Variants in ERICH1 observed in about 807,000 individuals in gnomAD.
ERICH1 encodes glutamate-rich protein 1.
A neutral mutation model predicts 39.6 loss-of-function variants in ERICH1; 56 were observed. That is an observed-to-expected ratio of 1.41 (90% CI 1.14 to 1.77). ERICH1 has a LOEUF of 1.77. ERICH1 is among the 40% of genes most tolerant of loss of function. The pLI, the probability that ERICH1 is intolerant of heterozygous loss-of-function variation, is 0.00. For missense variants in ERICH1, 826 were observed against 575.4 expected, an observed-to-expected ratio of 1.44 and a Z score of -4.45; for synonymous variants, 313 against 223.6, an observed-to-expected ratio of 1.40 and a Z score of -3.57.
At chr8:686,063 G>A (rs1443845462) in intron 3 of ERICH1, among the ~76,000 whole-genome samples, 1 of 151,980 alleles carries the variant, frequency 6.6e-6, no homozygotes, top group Non-Finnish European at 1.5e-5. Flanking sequence ...GGGAGGCTGA[G>A]GCAGGAGGGC....
intron 2 of ERICH1, among the ~76,000 whole-genome samples, chr8:710,092 G>T: frequency 6.6e-6 from 1 of 152,276 alleles, no homozygotes; most frequent in African/African-American, 2.4e-5. Flanking sequence ...CGTCAGAGCC[G>T]TACATTCTTA....
At chr8:671,494 T>C (rs78339287) in intron 4 of ERICH1, among the ~76,000 whole-genome samples, 221 of 68,604 alleles carry the variant, frequency 3.2e-3, no homozygotes, top group African/African-American at 3.9e-3. Context: ...CCAGCCCCGG[T>C]TCTAATGTCT....
At chr8:687,796 G>A (rs1454626396) in intron 3 of ERICH1, among the ~76,000 whole-genome samples, 1 of 152,132 alleles carries the variant, frequency 6.6e-6, no homozygotes, top group Non-Finnish European at 1.5e-5. Context: ...TGGAATACGG[G>A]GCAGCCACGG....
chr8:620,167 C>T (rs1797189483), intron 3 of ERICH1, among the ~76,000 whole-genome samples: 1 of 152,038 alleles, frequency 6.6e-6, no homozygotes, highest in Admixed American at 6.6e-5. Flanking sequence ...CAAAAATTAG[C>T]CAGGCGTGGT....
chr8:682,929 AAAG>A (rs1358313565), intron 3 of ERICH1, among the ~76,000 whole-genome samples: 1 of 151,900 alleles, frequency 6.6e-6, no homozygotes, highest in African/African-American at 2.4e-5. Context: ...TGCTAAATAA[AAAG>A]TAGTAAACTT....
chr8:731,097 CGGGTCTG>C (rs751359443), intron 1 of ERICH1, 36 bp downstream of exon 1: 1 of 1,428,760 alleles, frequency 7.0e-7, no homozygotes, highest in Non-Finnish European at 9.2e-7. Flanking sequence ...AGCCGAGAGC[CGGGTCTG>C]GGGTCTGGGC....
At chr8:649,604 AG>A (rs1173573598) in intron 3 of ERICH1, among the ~76,000 whole-genome samples, 9 of 143,354 alleles carry the variant, frequency 6.3e-5, no homozygotes, top group African/African-American at 1.8e-4. Flanking sequence ...CTCTCGGGGG[AG>A]GGGGATTGGG....
chr8:630,468 A>ATG (rs1797939960), intron 3 of ERICH1, among the ~76,000 whole-genome samples: 1 of 128,606 alleles, frequency 7.8e-6, no homozygotes, highest in Non-Finnish European at 1.7e-5. Flanking sequence ...GCACCCAGAC[A>ATG]GACAGAGCTG....
chr8:727,041 A>G (rs974036745), intron 1 of ERICH1, among the ~76,000 whole-genome samples: 3 of 151,858 alleles, frequency 2.0e-5, no homozygotes, highest in Non-Finnish European at 4.4e-5. Context: ...TACACCACTC[A>G]GGCACATACA....
chr8:662,689 A>G (rs548621364), downstream of ERICH1, among the ~76,000 whole-genome samples: 2 of 152,228 alleles, frequency 1.3e-5, no homozygotes, highest in African/African-American at 4.8e-5. Context: ...AGAAGCATTT[A>G]AACGGGAGGT....
At position 664,593 on chromosome 8, in the gene ERICH1, A is replaced by G; in HGVS notation, c.*10T>C. The G allele has an allele frequency of 6.2e-7, 1 of 1,604,638 alleles. No individual in the cohort carries two copies. Among genetic ancestry groups the G allele is most frequent in the Non-Finnish European group, 8.5e-7 (1 of 1,176,608 alleles). Reference sequence around the variant, plus strand: ...TTAAAGAGGAGCTGTTCTTAAAGAGATATTCCATTTTAGTCACTGCTCTTC... The same window carrying G: ...TTAAAGAGGAGCTGTTCTTAAAGAGGTATTCCATTTTAGTCACTGCTCTTC... On this transcript the variant is annotated 3_prime_UTR_variant, in exon 6 of 6. Transcript: ENST00000262109.
chr8:644,265 G>T (rs927875331), intron 3 of ERICH1, among the ~76,000 whole-genome samples: 1 of 152,252 alleles, frequency 6.6e-6, no homozygotes, highest in Non-Finnish European at 1.5e-5. Flanking sequence ...CGGGCTTCAG[G>T]GCTCCTGCAG....
chr8:616,633 A>T (rs1213500808), intron 3 of ERICH1: 1 of 454,350 alleles, frequency 2.2e-6, no homozygotes, highest in Non-Finnish European at 4.4e-6. Flanking sequence ...GGAGGCAGAG[A>T]CAGAGAAGGA....
intron 2 of ERICH1, among the ~76,000 whole-genome samples, chr8:694,558 G>C (rs989393469): frequency 5.9e-5 from 9 of 152,182 alleles, no homozygotes; most frequent in Non-Finnish European, 8.8e-5. Flanking sequence ...GACAGTTCCG[G>C]TCTGTGGGGT....
At chr8:719,531 C>T (rs1003241031) in intron 1 of ERICH1, among the ~76,000 whole-genome samples, 3 of 152,198 alleles carry the variant, frequency 2.0e-5, no homozygotes, top group African/African-American at 7.2e-5. Flanking sequence ...CCCTGCCAAG[C>T]GACTCTCTTT....
rs140932959 is a variant in ERICH1 at position 672,372 on chromosome 8, T to C, written c.1063+917A>G. 8.9e-3 allele frequency among the ~76,000 whole-genome samples: 1,359 copies of C among 152,350 alleles called. 12 individuals carry two copies. The highest frequency in any genetic ancestry group is 0.015 in the Non-Finnish European group (1,033 of 68,038). ...GCTAAAGAGGAAGAGGCTAGAGTGC[T>C]CTTCGTGTTGAAATCAATCTATTAA... On this transcript the variant is annotated intron_variant, in intron 4 of 5. Coordinates refer to ENST00000262109, the MANE Select transcript of ERICH1 (RefSeq NM_207332.3).
rs1415446625 is a variant in ERICH1, at chr8:630,274, G to C, written c.977-14990C>G. Among the ~76,000 whole-genome samples the C allele has an allele frequency of 7.0e-4, 48 of 68,160 alleles. No homozygotes were observed. In the East Asian group the frequency reaches 0.016, roughly 23 times the overall value. 44.7% of individuals were successfully genotyped at this position (68,160 alleles called of 152,430 possible). A position where few individuals can be genotyped will look rare whatever the true frequency, so the allele number is the denominator to read the frequency against. Reference sequence around the variant, plus strand: ...TCACACCCTCCCGTGACCACCCACAGGCAGAGGTGACTCACACCCTCCTGT... The same window carrying C: ...TCACACCCTCCCGTGACCACCCACACGCAGAGGTGACTCACACCCTCCTGT... On this transcript the variant is annotated intron_variant, in intron 3 of 3. Coordinates refer to the ERICH1 transcript ENST00000522706.
At chr8:618,329 C>T (rs930649557) in intron 3 of ERICH1, among the ~76,000 whole-genome samples, 1 of 151,658 alleles carries the variant, frequency 6.6e-6, no homozygotes, top group Non-Finnish European at 1.5e-5. Flanking sequence ...TGTGTTCCAT[C>T]TGTCCTCAGT....
At chr8:677,513 G>C (rs1002925695) in intron 3 of ERICH1, among the ~76,000 whole-genome samples, 1 of 152,194 alleles carries the variant, frequency 6.6e-6, no homozygotes, top group African/African-American at 2.4e-5. Context: ...GTGGGTGTTT[G>C]AATAATTTCA....
Sources: gnomAD v4.1 joint callset for allele counts (sites outside exome capture counted in the v4.1 genomes callset) on GRCh38, gnomAD v4.1.1 for gene constraint, MANE v1.5 for transcripts, NCBI Gene and HGNC (gene_info 2026-07-23, HGNC 2026-07-21) for gene names.